Variants in MTA3 observed in about 807,000 individuals in gnomAD.
MTA3 encodes the protein metastasis-associated protein MTA3.
In MTA3, 34 loss-of-function variants were observed where a neutral mutation model predicts 83.5. The ratio of observed to expected loss-of-function variants is 0.41; its 90% CI spans 0.31 to 0.54. The LOEUF (loss-of-function observed/expected upper bound fraction) is 0.54, where lower values mean the gene tolerates loss of function less well. Among genes scored for constraint, MTA3 ranks in the 20% least tolerant of loss-of-function variants. The pLI is 0.33. For missense variants in MTA3, 761 were observed against 726.4 expected (o/e 1.05, Z -0.55); for synonymous variants, 303 against 252.7 (o/e 1.20, Z -1.89).
At chr2:42,608,178 G>A (rs984424800) in intron 3 of MTA3, among the ~76,000 whole-genome samples, 39 of 152,284 alleles carry the variant, frequency 2.6e-4, no homozygotes, top group African/African-American at 9.1e-4. Flanking sequence ...TAGCTCTGTA[G>A]GGTATGCATT....
intron 9 of MTA3, among the ~76,000 whole-genome samples, chr2:42,691,805 G>A (rs1377196829): frequency 6.6e-6 from 1 of 152,176 alleles, no homozygotes; most frequent in Non-Finnish European, 1.5e-5. Flanking sequence ...CTTGGGTAAA[G>A]GTCTTTTCCT....
intron 4 of MTA3, among the ~76,000 whole-genome samples, chr2:42,618,055 C>T (rs1331629614): frequency 6.6e-6 from 1 of 151,964 alleles, no homozygotes; most frequent in Non-Finnish European, 1.5e-5. Flanking sequence ...AGTGATCCTC[C>T]CACCTCAGCC....
At chr2:42,638,669 C>G (rs1687414153) in intron 4 of MTA3, among the ~76,000 whole-genome samples, 2 of 150,578 alleles carry the variant, frequency 1.3e-5, no homozygotes, top group Non-Finnish European at 3.0e-5. Flanking sequence ...CAATTGTTGT[C>G]TTTTCAGTGT....
intron 11 of MTA3, among the ~76,000 whole-genome samples, chr2:42,700,030 C>T (rs1353707064): frequency 1.3e-5 from 2 of 151,852 alleles, no homozygotes; most frequent in Non-Finnish European, 2.9e-5. Flanking sequence ...GAGTGTGTTT[C>T]AGGGAGGGGG....
At chr2:42,531,978 G>C (rs550658346) in intron 2 of MTA3, among the ~76,000 whole-genome samples, 1 of 151,750 alleles carries the variant, frequency 6.6e-6, no homozygotes, top group Non-Finnish European at 1.5e-5. Flanking sequence ...GGATGGTCTC[G>C]ATCTCCTGAC....
chr2:42,547,699 G>T (rs555055745), intron 2 of MTA3, among the ~76,000 whole-genome samples: 1 of 152,216 alleles, frequency 6.6e-6, no homozygotes, highest in Non-Finnish European at 1.5e-5. Context: ...CTTAGCTATT[G>T]TTACAGGCGC....
At chr2:42,548,049 C>T (rs1207685919) in intron 2 of MTA3, among the ~76,000 whole-genome samples, 1 of 152,188 alleles carries the variant, frequency 6.6e-6, no homozygotes, top group Non-Finnish European at 1.5e-5. Flanking sequence ...TCCTGATGGT[C>T]AGCCCAGTTT....
chr2:42,659,700 C>T (rs971006160), intron 7 of MTA3, 63 bp from the exon 8 acceptor site: 29 of 1,255,078 alleles, frequency 2.3e-5, no homozygotes, highest in African/African-American at 3.1e-5. Context: ...TTTTTTAAAA[C>T]GTTAAAAAAA....
intron 9 of MTA3, among the ~76,000 whole-genome samples, chr2:42,685,952 G>A (rs1692329836): frequency 6.6e-6 from 1 of 152,138 alleles, no homozygotes; most frequent in Middle Eastern, 3.2e-3. Context: ...TGTTGTTGGG[G>A]CAATGTATTT....
At chr2:42,595,528 A>G (rs999970530) in intron 3 of MTA3, among the ~76,000 whole-genome samples, 7 of 152,304 alleles carry the variant, frequency 4.6e-5, no homozygotes, top group African/African-American at 1.7e-4. Context: ...TAATAAAAGA[A>G]ACCTTTAGTT....
intron 2 of MTA3, among the ~76,000 whole-genome samples, chr2:42,523,180 C>A (rs1675501723): frequency 6.6e-6 from 1 of 152,054 alleles, no homozygotes. Flanking sequence ...TTGAACTTGG[C>A]CTCATAGTTC....
intron 5 of MTA3, among the ~76,000 whole-genome samples, chr2:42,640,518 T>C (rs1687609135): frequency 6.6e-6 from 1 of 152,226 alleles, no homozygotes; most frequent in Admixed American, 6.5e-5. Flanking sequence ...TTTTTGACTT[T>C]ATGAAATTAA....
chr2:42,591,639 A>ATTTTC (rs542357762), intron 3 of MTA3, among the ~76,000 whole-genome samples: 1,101 of 30,878 alleles, frequency 0.036, 16 homozygotes, highest in African/African-American at 0.14. Flanking sequence ...TTTTCTTTTT[A>ATTTTC]TTTTATTTAT....
chr2:42,738,478 A>G (rs528076418), intron 16 of MTA3, among the ~76,000 whole-genome samples: 53 of 152,278 alleles, frequency 3.5e-4, no homozygotes, highest in African/African-American at 1.1e-3. Context: ...CTTTACTTCA[A>G]TCTCTTAATC....
At chr2:42,753,333 G>C (rs1286262006) in intron 16 of MTA3, 41 bp from the exon 17 acceptor site, 1 of 1,550,094 alleles carries the variant, frequency 6.5e-7, no homozygotes, top group Admixed American at 2.0e-5. Flanking sequence ...CTCCACCATC[G>C]GGACTTGTTT....
At chr2:42,630,771 A>G (rs1474546697) in intron 4 of MTA3, among the ~76,000 whole-genome samples, 1 of 152,172 alleles carries the variant, frequency 6.6e-6, no homozygotes, top group African/African-American at 2.4e-5. Context: ...ACCAAGTAAA[A>G]TAGTTGAAAG....
At chr2:42,516,378 T>G (rs1238596544) in intron 2 of MTA3, among the ~76,000 whole-genome samples, 1 of 152,168 alleles carries the variant, frequency 6.6e-6, no homozygotes, top group African/African-American at 2.4e-5. Flanking sequence ...GGCTTTTTAT[T>G]AAGCGCAGAA....
chr2:42,622,862 T>G (rs562741309), intron 4 of MTA3, among the ~76,000 whole-genome samples: 2 of 152,234 alleles, frequency 1.3e-5, no homozygotes, highest in East Asian at 3.9e-4. Context: ...CAAACAAAAG[T>G]GCTGGAGGAC....
intron 16 of MTA3, among the ~76,000 whole-genome samples, chr2:42,724,512 C>T (rs868356162): frequency 6.6e-6 from 1 of 151,696 alleles, no homozygotes; most frequent in Non-Finnish European, 1.5e-5. Context: ...TATCTAGTGG[C>T]GCATGTCTGT....
Sources: allele counts gnomAD v4.1 joint callset (sites outside exome capture counted in the v4.1 genomes callset), GRCh38; gene constraint gnomAD v4.1.1; transcripts MANE v1.5; gene names NCBI Gene and HGNC (gene_info 2026-07-23, HGNC 2026-07-21).